The following FGD4 variants were observed in gnomAD, a reference collection of about 807,000 sequenced individuals.
The protein encoded by FGD4 is FYVE, RhoGEF and PH domain containing 4, also known as FYVE, RhoGEF and PH domain-containing protein 4.
Under a neutral mutation model 102.0 loss-of-function variants are expected in FGD4, and 42 were observed. The ratio of observed to expected loss-of-function variants is 0.41; its 90% CI spans 0.32 to 0.53. The LOEUF (loss-of-function observed/expected upper bound fraction) is 0.53. Ranked by LOEUF, FGD4 falls within the 20% of genes least tolerant of loss-of-function variation. FGD4 has a pLI of 0.21. For synonymous variants in FGD4, 380 were observed against 375.7 expected (o/e 1.01, Z -0.13); for missense variants, 902 against 1,078.2 (o/e 0.84, Z 2.29).
intron 1 of FGD4, among the ~76,000 whole-genome samples, chr12:32,443,534 G>GTTTT (rs1178483915): frequency 5.9e-5 from 7 of 118,358 alleles, no homozygotes; most frequent in African/African-American, 9.3e-5. Flanking sequence ...TGTGTTTTAG[G>GTTTT]TTTTTTTTTT....
intron 1 of FGD4, among the ~76,000 whole-genome samples, chr12:32,542,682 G>A (rs1942934493): frequency 6.6e-6 from 1 of 152,152 alleles, no homozygotes. Context: ...TTTGCCTTTC[G>A]AGTTCTTTTC....
chr12:32,485,436 A>ATTTTTTTTTTTTTTTTTTTT (rs372655892), intron 1 of FGD4, among the ~76,000 whole-genome samples: 1 of 114,218 alleles, frequency 8.8e-6, no homozygotes. Flanking sequence ...TTTAAGACCA[A>ATTTTTTTTTTTTTTTTTTTT]TTTTTTTTTT....
intron 1 of FGD4, among the ~76,000 whole-genome samples, chr12:32,561,084 T>TG (rs1256949211): frequency 3.4e-5 from 4 of 118,900 alleles, no homozygotes; most frequent in African/African-American, 1.3e-4. Context: ...TGTTTTTTTT[T>TG]TTTTTTTTTT....
chr12:32,514,678 AT>A (rs956433294), intron 1 of FGD4, among the ~76,000 whole-genome samples: 12 of 149,466 alleles, frequency 8.0e-5, no homozygotes, highest in South Asian at 2.1e-4. Context: ...TGCCTAGCTA[AT>A]TTTTTTTTTA....
At position 32,506,969 on chromosome 12, in the gene FGD4, T is replaced by A. The variant is rs140276673; in HGVS notation, c.167-57168T>A. On this transcript the variant is annotated intron_variant, in intron 1 of 16. Coordinates refer to ENST00000534526, the MANE Select transcript of FGD4 (RefSeq NM_001370298.3). This position sits in a 1 kb window ranked among gnomAD's most constrained non-coding sequence, Gnocchi z 4.5. ...TATACTTTAAGTTTTAGGGCACATG[T>A]GCACAACGTGCAGGTTAGTTACATA... Among the ~76,000 whole-genome samples the A allele has an allele frequency of 0.014, 2,176 of 152,280 alleles. 120 individuals are homozygous for A. The highest frequency in any genetic ancestry group is 0.1 in the Admixed American group (1,551 of 15,282).
intron 1 of FGD4, among the ~76,000 whole-genome samples, chr12:32,431,003 G>A (rs1382033922): frequency 6.6e-6 from 1 of 152,222 alleles, no homozygotes; most frequent in African/African-American, 2.4e-5. Flanking sequence ...AATCTAAGCT[G>A]ATTTTCATTG....
At chr12:32,552,426 A>G (rs942168446) in intron 1 of FGD4, among the ~76,000 whole-genome samples, 1 of 130,052 alleles carries the variant, frequency 7.7e-6, no homozygotes, top group Non-Finnish European at 1.6e-5. Context: ...TGCCCGACTA[A>G]TTTTTGCATT....
rs1209887127 is a variant in FGD4 at position 32,453,200 on chromosome 12, TTATA to T, written c.166+53258_166+53261del. On this transcript the variant is annotated intron_variant, in intron 1 of 16. Transcript: ENST00000534526. Reference sequence around the variant, plus strand: ...ATTATATATATATTTTATATATATATTATATATATATATATATATAATATAGATA... The same window carrying T: ...ATTATATATATATTTTATATATATATTATATATATATATATAATATAGATA... Among the ~76,000 whole-genome samples the T allele has an allele frequency of 1.9e-4, 12 of 64,606 alleles. No individual in the cohort carries two copies. The South Asian group carries it at 7.3e-3, about 40-fold the overall frequency. 42.4% of individuals were successfully genotyped at this position (64,606 alleles called of 152,430 possible).
rs1381251662 is a variant in FGD4 at position 32,561,091 on chromosome 12, T to TTTTTG, written c.167-3042_167-3041insGTTTT. On this transcript the variant is annotated intron_variant, in intron 1 of 16. Transcript: ENST00000534526. ...TTGGGTTTTGTTTTTTTTTTTTTTT[T>TTTTTG]TTTTTTTTTTGAGATGGAGTTTCAC... Among the ~76,000 whole-genome samples, 51 of 126,784 alleles carry TTTTTG rather than the reference T, an allele frequency of 4.0e-4. 1 individual carries two copies. In the East Asian group the frequency reaches 0.01, roughly 25 times the overall value. 83.2% of individuals were successfully genotyped at this position (126,784 alleles called of 152,430 possible).
chr12:32,644,231 T>C lies in FGD4; in HGVS notation c.*3698T>C, dbSNP rs1287801327. 6.6e-6 allele frequency: 1 copy of C among 152,162 alleles called. No homozygotes were observed. The highest frequency in any genetic ancestry group is 2.4e-5 in the African/African-American group (1 of 41,466). 9.4% of individuals were successfully genotyped at this position (152,162 alleles called of 1,614,324 possible). A position where few individuals can be genotyped will look rare whatever the true frequency, so the allele number is the denominator to read the frequency against. On this transcript the variant is annotated 3_prime_UTR_variant, in exon 17 of 17. Coordinates refer to ENST00000534526, the MANE Select transcript of FGD4 (RefSeq NM_001370298.3). ...ACCAGTTCCTATTCTTCAGACTGTA[T>C]TGACATCTGTAGTGGATCATGTTGC...
At chr12:32,523,428 T>TTGGGAA (rs569473763) in intron 1 of FGD4, among the ~76,000 whole-genome samples, 344 of 152,352 alleles carry the variant, frequency 2.3e-3, no homozygotes, top group Non-Finnish European at 3.8e-3. Context: ...TGAAACTCTG[T>TTGGGAA]ACTCATTAAT....
At chr12:32,412,720 T>C (rs1941255148) in intron 1 of FGD4, among the ~76,000 whole-genome samples, 1 of 151,990 alleles carries the variant, frequency 6.6e-6, no homozygotes, top group East Asian at 1.9e-4. Flanking sequence ...GCGATCCTCC[T>C]GCCTCAGTCT....
intron 15 of FGD4, among the ~76,000 whole-genome samples, chr12:32,634,596 T>C (rs1051452000): frequency 6.6e-6 from 1 of 152,154 alleles, no homozygotes; most frequent in Non-Finnish European, 1.5e-5. Flanking sequence ...ATAAGGCCTT[T>C]GTGGCAGTAG....
chr12:32,564,685 C>G (rs1343929295), intron 2 of FGD4, among the ~76,000 whole-genome samples: 1 of 152,194 alleles, frequency 6.6e-6, no homozygotes, highest in Non-Finnish European at 1.5e-5. Flanking sequence ...ACTTCGTGTA[C>G]TTATCAAGCA....
At chr12:32,415,537 C>G (rs989016400) in intron 1 of FGD4, among the ~76,000 whole-genome samples, 2 of 151,324 alleles carry the variant, frequency 1.3e-5, no homozygotes, top group African/African-American at 2.4e-5. Flanking sequence ...ATTCTCCTGC[C>G]TCAGCCTCCT....
chr12:32,434,322 G>T (rs1942156642), intron 1 of FGD4, among the ~76,000 whole-genome samples: 3 of 152,186 alleles, frequency 2.0e-5, no homozygotes, highest in African/African-American at 7.2e-5. Flanking sequence ...GTGTGAGTTT[G>T]CATTAGATGC....
chr12:32,437,178 C>T (rs1305803277), intron 1 of FGD4, among the ~76,000 whole-genome samples: 1 of 151,546 alleles, frequency 6.6e-6, no homozygotes, highest in Non-Finnish European at 1.5e-5. Flanking sequence ...AACAATGCAG[C>T]AGGAATGTAA....
intron 1 of FGD4, chr12:32,501,975 C>T (rs747385163): frequency 2.1e-6 from 2 of 959,156 alleles, no homozygotes; most frequent in Non-Finnish European, 2.5e-6. Flanking sequence ...AATAGCCAAA[C>T]ACCTGCTAGG....
chr12:32,636,726 G>C (rs1950840504), intron 15 of FGD4, among the ~76,000 whole-genome samples: 1 of 151,978 alleles, frequency 6.6e-6, no homozygotes, highest in Non-Finnish European at 1.5e-5. Flanking sequence ...TTGCAGACCT[G>C]GAGACCAACA....
Sources: gnomAD v4.1 joint callset for allele counts (sites outside exome capture counted in the v4.1 genomes callset) on GRCh38, gnomAD v4.1.1 for gene constraint, Gnocchi (gnomAD v3.1) non-coding constraint, MANE v1.5 for transcripts, NCBI Gene and HGNC (gene_info 2026-07-23, HGNC 2026-07-21) for gene names.